OTOA: variants seen among roughly 807,000 people sequenced by gnomAD.
OTOA encodes the protein otoancorin, also known as cancer/testis antigen 108.
A neutral mutation model predicts 110.8 loss-of-function variants in OTOA; 70 were observed. That is an observed-to-expected ratio of 0.63 (90% CI 0.52 to 0.77). OTOA has a LOEUF of 0.77. Ranked by LOEUF, OTOA falls within the 30% of genes least tolerant of loss-of-function variation. The pLI is 0.00. For missense variants in OTOA, 917 were observed against 1,075.8 expected, an observed-to-expected ratio of 0.85 and a Z score of 2.06; for synonymous variants, 373 against 431.5, an observed-to-expected ratio of 0.86 and a Z score of 1.68.
chr16:21,726,502 G>A, intron 18 of OTOA, 21 bp from the exon 19 acceptor site: 2 of 1,612,900 alleles, frequency 1.2e-6, no homozygotes, highest in Non-Finnish European at 1.7e-6. Flanking sequence ...TCCTCCTCTT[G>A]TTCTCCCCAT....
intron 18 of OTOA, 147 bp from the exon 19 acceptor site, chr16:21,726,376 C>G: frequency 2.7e-6 from 3 of 1,112,652 alleles, no homozygotes; most frequent in Non-Finnish European, 4.0e-6. Flanking sequence ...AGCTTGCTAC[C>G]TGCTGCAGGG....
chr16:21,705,175 G>A lies in OTOA; in HGVS notation c.987G>A (p.Gly329=), dbSNP rs758229970. 1.1e-5 allele frequency: 18 copies of A among 1,614,050 alleles called. No individual in the cohort carries two copies. Among genetic ancestry groups the A allele is most frequent in the Admixed American group, 1.7e-5 (1 of 59,986 alleles). The change falls in exon 12 of 29, where the codon GGG becomes GGA. Residue 329 remains glycine (G), a synonymous_variant. Transcript: ENST00000646100. The part of the protein sequence containing the change: ...MRNTSTIHRL[G]LLVCFYNDLE... ...CCCTCCTCTTCTCACACAGGCTGGG[G>A]CTGCTGGTTTGTTTCTACAATGACC...
At chr16:21,734,088 C>T (rs1281536445) in intron 21 of OTOA, among the ~76,000 whole-genome samples, 9 of 151,000 alleles carry the variant, frequency 6.0e-5, no homozygotes, top group Middle Eastern at 3.4e-3. Context: ...TGTGAGCCAC[C>T]GCACCTGACC....
At chr16:21,684,423 G>A in intron 6 of OTOA, 1 of 1,529,762 alleles carries the variant, frequency 6.5e-7, no homozygotes, top group Non-Finnish European at 8.8e-7. Flanking sequence ...CACAGAGTAT[G>A]TTCATTTCGC....
chr16:21,693,603 A>T (rs960985903), intron 9 of OTOA, among the ~76,000 whole-genome samples: 1 of 152,120 alleles, frequency 6.6e-6, no homozygotes, highest in Non-Finnish European at 1.5e-5. Context: ...GTTTGTTGAG[A>T]CGGAGTCTTA....
chr16:21,719,409 G>C lies in OTOA; in HGVS notation c.1711G>C (p.Val571Leu). The C allele has an allele frequency of 6.2e-7, 1 of 1,614,090 alleles. No individual in the cohort carries two copies. Among genetic ancestry groups the C allele is most frequent in the Non-Finnish European group, 8.5e-7 (1 of 1,180,000 alleles). Residue 571 changes from valine (V) to leucine (L), a missense_variant, in exon 17 of 29, where the codon GTG (valine) becomes CTG (leucine). Physicochemically the swap from Val to Leu is conservative, Grantham distance 32. Transcript: ENST00000646100. Reference sequence around the variant, plus strand: ...TAGTGCTGGGCAGCTGGTCAAAGGCGTGACCTGCTCACACATTGATGCCAT... The same window carrying C: ...TAGTGCTGGGCAGCTGGTCAAAGGCCTGACCTGCTCACACATTGATGCCAT... The part of the protein sequence containing the change: ...LLSAGQLVKG[V>L]TCSHIDAMST...
rs750753927 is a variant in OTOA at position 21,697,642 on chromosome 16, G to A, written c.740-133G>A. On this transcript the variant is annotated intron_variant, in intron 9 of 28. Coordinates refer to ENST00000646100, the MANE Select transcript of OTOA (RefSeq NM_144672.4). ...GTGAGATTCTGTCTCAAAAAACCCC[G>A]AAAAACAAAATAACGAATTAATGAA... 8.2e-4 allele frequency: 716 copies of A among 877,052 alleles called. 10 individuals carry two copies. The highest frequency in any genetic ancestry group is 2.7e-4 in the Middle Eastern group (1 of 3,724). The allele number at this position is 877,052 out of a possible 1,614,324, so 54.3% of individuals were successfully genotyped here. A position where few individuals can be genotyped will look rare whatever the true frequency, so the allele number is the denominator to read the frequency against.
chr16:21,702,095 G>A (rs138128125), intron 11 of OTOA, among the ~76,000 whole-genome samples: 15 of 151,746 alleles, frequency 9.9e-5, no homozygotes, highest in African/African-American at 1.5e-4. Context: ...GATTACAGGC[G>A]TGTGCCACCA....
chr16:21,722,266 A>C (rs988865269), intron 17 of OTOA, among the ~76,000 whole-genome samples: 8 of 132,532 alleles, frequency 6.0e-5, no homozygotes, highest in Admixed American at 4.6e-4. Context: ...TCTCAAAAAA[A>C]AAACAAAAAA....
At chr16:21,726,475 C>T in intron 18 of OTOA, 48 bp from the exon 19 acceptor site, 3 of 1,611,208 alleles carry the variant, frequency 1.9e-6, no homozygotes, top group Non-Finnish European at 2.5e-6. Flanking sequence ...TAGGGGCCAA[C>T]AGGAGCAGCC....
chr16:21,705,799 C>T (rs529348716), intron 12 of OTOA, among the ~76,000 whole-genome samples: 6 of 152,172 alleles, frequency 3.9e-5, no homozygotes, highest in East Asian at 1.9e-4. Context: ...CAAAAACAGG[C>T]GTGGTGGCAT....
At chr16:21,689,580 T>C (rs1486162569) in intron 8 of OTOA, among the ~76,000 whole-genome samples, 1 of 152,176 alleles carries the variant, frequency 6.6e-6, no homozygotes, top group Non-Finnish European at 1.5e-5. Flanking sequence ...GGTGTAGGGC[T>C]GACTTCAGAC....
intron 18 of OTOA, 129 bp from the exon 19 acceptor site, chr16:21,726,394 G>T: frequency 1.5e-6 from 2 of 1,342,448 alleles, no homozygotes; most frequent in Non-Finnish European, 2.1e-6. Context: ...GGGAGCCAAA[G>T]CATCACTGGG....
At position 21,728,437 on chromosome 16, in the gene OTOA, G is replaced by A; in HGVS notation, c.2207+6G>A. 1 of 1,613,182 alleles carries A rather than the reference G, an allele frequency of 6.2e-7. No homozygotes were observed. The highest frequency in any genetic ancestry group is 8.5e-7 in the Non-Finnish European group (1 of 1,179,666). ...AAGCTCCTGGGACAGTATGGGTGAG[G>A]AGCGGCTGGGTTTGGCTTTTGGTGG... On this transcript the variant is annotated splice_donor_region_variant and intron_variant, in intron 20 of 28. Coordinates refer to ENST00000646100, the MANE Select transcript of OTOA (RefSeq NM_144672.4).
intron 14 of OTOA, among the ~76,000 whole-genome samples, chr16:21,716,029 C>T (rs1471470095): frequency 1.3e-5 from 2 of 151,894 alleles, no homozygotes; most frequent in African/African-American, 2.4e-5. Context: ...CCCACCTCAG[C>T]CTCCCAAGTA....
chr16:21,710,368 G>A (rs530808980), intron 13 of OTOA, among the ~76,000 whole-genome samples: 14 of 152,048 alleles, frequency 9.2e-5, no homozygotes, highest in South Asian at 2.1e-4. Flanking sequence ...CTGGTGTTGC[G>A]TCTTACAAGG....
At chr16:21,720,632 G>C (rs917115241) in intron 17 of OTOA, among the ~76,000 whole-genome samples, 4 of 152,164 alleles carry the variant, frequency 2.6e-5, no homozygotes, top group Non-Finnish European at 5.9e-5. Flanking sequence ...ACATATAGTA[G>C]GTAAGGGGTG....
chr16:21,760,406 A>G, intron 28 of OTOA, 64 bp from the exon 29 acceptor site: 1 of 1,291,714 alleles, frequency 7.7e-7, no homozygotes, highest in Non-Finnish European at 1.1e-6. Flanking sequence ...GTTGGACATC[A>G]TGTGTCTACC....
rs777080801 is a variant in OTOA at position 21,736,355 on chromosome 16, G to A, written c.2396G>A (p.Ser799Asn). ...GCTGTCTTTCAGTCTGTTCGGAACA[G>A]CAGTGATAAGATCCCCAGCTATGAC... ...LWAVFQSVRN[S>N]SDKIPSYDPM... The change falls in exon 22 of 29, where the codon AGC becomes AAC. Residue 799 changes from serine (S) to asparagine (N), a missense_variant. Coordinates refer to ENST00000646100, the MANE Select transcript of OTOA (RefSeq NM_144672.4). The A allele has an allele frequency of 5.0e-6, 8 of 1,614,154 alleles. No homozygotes were observed. In the South Asian group the frequency reaches 6.6e-5, roughly 13 times the overall value.
Sources: allele counts gnomAD v4.1 joint callset (sites outside exome capture counted in the v4.1 genomes callset), GRCh38; gene constraint gnomAD v4.1.1; transcripts MANE v1.5; gene names NCBI Gene and HGNC (gene_info 2026-07-23, HGNC 2026-07-21).